CAB39: variants seen among roughly 807,000 people sequenced by gnomAD.
CAB39 encodes the protein calcium-binding protein 39.
In CAB39, 8 loss-of-function variants were observed where a neutral mutation model predicts 40.0. The ratio of observed to expected loss-of-function variants is 0.20; its 90% CI spans 0.12 to 0.36. CAB39 has a LOEUF of 0.36. Ranked by LOEUF, CAB39 falls within the 10% of genes least tolerant of loss-of-function variation. CAB39 has a pLI of 1.00. For synonymous variants in CAB39, 156 were observed against 141.6 expected (o/e 1.10, Z -0.72); for missense variants, 270 against 401.1 (o/e 0.67, Z 2.79).
chr2:230,731,012 A>G (rs947490717), intron 1 of CAB39, among the ~76,000 whole-genome samples: 1 of 152,202 alleles, frequency 6.6e-6, no homozygotes, highest in African/African-American at 2.4e-5. Context: ...TTGAGATACA[A>G]AAGGTCAATG....
At chr2:230,815,112 G>T (rs368182117) in intron 7 of CAB39, among the ~76,000 whole-genome samples, 1 of 152,204 alleles carries the variant, frequency 6.6e-6, no homozygotes, top group Non-Finnish European at 1.5e-5. Context: ...GGAATACTTT[G>T]TGTCCTTTGA....
At chr2:230,773,298 G>GTGTATA (rs759059088) in intron 2 of CAB39, among the ~76,000 whole-genome samples, 72 of 127,858 alleles carry the variant, frequency 5.6e-4, no homozygotes, top group African/African-American at 2.3e-3. Flanking sequence ...GGGTGTATGT[G>GTGTATA]TATATATATA....
At chr2:230,815,128 A>T (rs1386131249) in intron 7 of CAB39, among the ~76,000 whole-genome samples, 1 of 152,236 alleles carries the variant, frequency 6.6e-6, no homozygotes, top group Non-Finnish European at 1.5e-5. Flanking sequence ...TTTGATAGGA[A>T]CACTCCACCG....
At chr2:230,810,955 C>T (rs1337270474) in intron 6 of CAB39, among the ~76,000 whole-genome samples, 1 of 152,180 alleles carries the variant, frequency 6.6e-6, no homozygotes. Context: ...TTCCCTAGAC[C>T]CGCACAACTG....
chr2:230,767,560 A>G lies in CAB39; in HGVS notation c.114+7445A>G, dbSNP rs571227277. ...AGTAATTTCTGCAGGCAAATCCTGT[A>G]AGGCCTATTTTTATCAATCTCGTGA... On this transcript the variant is annotated intron_variant, in intron 2 of 8. Coordinates refer to ENST00000258418, the MANE Select transcript of CAB39 (RefSeq NM_016289.4). Among the ~76,000 whole-genome samples the G allele has an allele frequency of 5.3e-5, 8 of 152,366 alleles. No homozygotes were observed. The South Asian group carries it at 1.7e-3, about 32-fold the overall frequency.
At chr2:230,730,435 G>T (rs915731862) in intron 1 of CAB39, among the ~76,000 whole-genome samples, 1 of 134,310 alleles carries the variant, frequency 7.4e-6, no homozygotes, top group Non-Finnish European at 1.5e-5. Context: ...TACATTAGAA[G>T]AAAACTTTTC....
intron 4 of CAB39, among the ~76,000 whole-genome samples, chr2:230,795,056 A>T (rs565950712): frequency 4.1e-4 from 62 of 152,294 alleles, no homozygotes; most frequent in African/African-American, 1.5e-3. Context: ...CGGGTGGATC[A>T]CTTGAGTCCA....
intron 4 of CAB39, among the ~76,000 whole-genome samples, chr2:230,795,162 G>A (rs1437487445): frequency 8.6e-5 from 13 of 151,956 alleles, no homozygotes; most frequent in Non-Finnish European, 8.8e-5. Context: ...TGTAATCCCA[G>A]CTATTCGGGA....
At chr2:230,802,409 C>T (rs1296764778) in intron 5 of CAB39, among the ~76,000 whole-genome samples, 1 of 152,056 alleles carries the variant, frequency 6.6e-6, no homozygotes, top group African/African-American at 2.4e-5. Context: ...TAACTAAGAT[C>T]AGAGCAGAAC....
In CAB39 at chr2:230,798,615, G is replaced by A. The variant is rs1259850521; in HGVS notation, c.399-114G>A. 3 of 794,982 alleles carry A rather than the reference G, an allele frequency of 3.8e-6. No individual in the cohort carries two copies. In the African/African-American group the frequency reaches 5.2e-5, roughly 14 times the overall value. 49.2% of individuals were successfully genotyped at this position (794,982 alleles called of 1,614,324 possible). A position where few individuals can be genotyped will look rare whatever the true frequency, so the allele number is the denominator to read the frequency against. On this transcript the variant is annotated intron_variant, in intron 4 of 8. Coordinates refer to ENST00000258418, the MANE Select transcript of CAB39 (RefSeq NM_016289.4). ...TTCTGTAATCTGCGATGGTCATTTA[G>A]TTAGGATACATGTCTGAAAACTGTC...
chr2:230,759,323 G>A (rs886813043), intron 1 of CAB39, among the ~76,000 whole-genome samples: 8 of 152,170 alleles, frequency 5.3e-5, no homozygotes, highest in African/African-American at 1.4e-4. Flanking sequence ...GAGGAGCAGC[G>A]TGAACACCGG....
intron 1 of CAB39, chr2:230,713,803 G>C (rs547757772): frequency 6.6e-6 from 1 of 152,492 alleles, no homozygotes; most frequent in African/African-American, 2.4e-5. Context: ...GGATTCAAAG[G>C]TGAAGCGGGC....
chr2:230,803,207 C>CT (rs1315338599), intron 5 of CAB39, among the ~76,000 whole-genome samples: 2 of 152,164 alleles, frequency 1.3e-5, no homozygotes, highest in Admixed American at 1.3e-4. Flanking sequence ...ATTCAACAGC[C>CT]TTTCGTGCTA....
At chr2:230,782,970 G>A (rs1420733211) in intron 2 of CAB39, among the ~76,000 whole-genome samples, 4 of 126,840 alleles carry the variant, frequency 3.2e-5, no homozygotes, top group East Asian at 2.1e-4. Flanking sequence ...TGACCACCAC[G>A]CCTGGCTAAT....
intron 1 of CAB39, among the ~76,000 whole-genome samples, chr2:230,730,128 TAGAC>T (rs558190142): frequency 2.0e-5 from 3 of 152,190 alleles, no homozygotes; most frequent in Non-Finnish European, 4.4e-5. Flanking sequence ...CTTATAATTT[TAGAC>T]AGAATCTTGC....
chr2:230,742,912 A>T (rs921895464), intron 1 of CAB39, among the ~76,000 whole-genome samples: 2 of 151,946 alleles, frequency 1.3e-5, no homozygotes, highest in Non-Finnish European at 2.9e-5. Flanking sequence ...AGTTTTTGGT[A>T]TGAGTTAAGA....
intron 3 of CAB39, among the ~76,000 whole-genome samples, chr2:230,792,880 G>C (rs928502491): frequency 6.6e-6 from 1 of 152,174 alleles, no homozygotes. Flanking sequence ...GTGGAATTCA[G>C]ATCCCTTAGA....
chr2:230,806,680 G>A (rs1239848067), intron 5 of CAB39, among the ~76,000 whole-genome samples: 2 of 152,210 alleles, frequency 1.3e-5, no homozygotes, highest in African/African-American at 4.8e-5. Flanking sequence ...ACATGGATCT[G>A]TCAGCTCTGA....
intron 6 of CAB39, among the ~76,000 whole-genome samples, chr2:230,811,722 G>A (rs962755861): frequency 6.6e-6 from 1 of 152,208 alleles, no homozygotes; most frequent in Non-Finnish European, 1.5e-5. Context: ...TGTATGTGAC[G>A]TGCATGGCAC....
Sources: gnomAD v4.1 joint callset for allele counts (sites outside exome capture counted in the v4.1 genomes callset) on GRCh38, gnomAD v4.1.1 for gene constraint, MANE v1.5 for transcripts, NCBI Gene and HGNC (gene_info 2026-07-23, HGNC 2026-07-21) for gene names.